The following CHD9 variants were observed in gnomAD, a reference collection of about 807,000 sequenced individuals.
The protein encoded by CHD9 is chromodomain helicase DNA binding protein 9, also known as ATP-dependent chromatin remodeler CHD9.
A neutral mutation model predicts 316.1 loss-of-function variants in CHD9; 77 were observed. That is an observed-to-expected ratio of 0.24 (90% CI 0.20 to 0.29). The LOEUF (loss-of-function observed/expected upper bound fraction) is 0.29. CHD9 is among the 10% of genes least tolerant of loss of function. CHD9 has a pLI of 1.00. For missense variants in CHD9, 2,763 were observed against 3,438.1 expected (o/e 0.80, Z 4.91); for synonymous variants, 1,129 against 1,158.3 (o/e 0.97, Z 0.51).
At chr16:53,293,146 A>G (rs1406460148) in intron 29 of CHD9, 94 bp downstream of exon 29, 14 of 1,105,128 alleles carry the variant, frequency 1.3e-5, no homozygotes, top group Middle Eastern at 2.1e-4. Flanking sequence ...TTTGTGGAAA[A>G]CATACATAGA....
chr16:53,063,800 G>T (rs926653344), intron 1 of CHD9, among the ~76,000 whole-genome samples: 8 of 150,874 alleles, frequency 5.3e-5, no homozygotes, highest in African/African-American at 1.9e-4. Flanking sequence ...CAAAATGCTG[G>T]GATTACAGGC....
intron 1 of CHD9, among the ~76,000 whole-genome samples, chr16:53,086,558 G>A (rs536382650): frequency 6.6e-6 from 1 of 152,220 alleles, no homozygotes; most frequent in South Asian, 2.1e-4. Context: ...AATTCCACCT[G>A]GCATAAATGA....
At chr16:53,286,017 T>G (rs1288795735) in intron 25 of CHD9, among the ~76,000 whole-genome samples, 1 of 152,162 alleles carries the variant, frequency 6.6e-6, no homozygotes, top group Admixed American at 6.6e-5. Flanking sequence ...AACTGATAAA[T>G]GTAACTGAAA....
intron 2 of CHD9, among the ~76,000 whole-genome samples, chr16:53,176,301 T>A (rs984248514): frequency 2.0e-5 from 3 of 152,244 alleles, no homozygotes; most frequent in Non-Finnish European, 2.9e-5. Context: ...TGTATCACCC[T>A]AATGTTTTTG....
At chr16:53,186,756 C>G (rs1242551353) in intron 2 of CHD9, among the ~76,000 whole-genome samples, 1 of 152,128 alleles carries the variant, frequency 6.6e-6, no homozygotes, top group Non-Finnish European at 1.5e-5. Flanking sequence ...TGAGTTAGTT[C>G]TCACAAAAGA....
intron 16 of CHD9, among the ~76,000 whole-genome samples, chr16:53,248,515 T>G (rs535750541): frequency 7.0e-5 from 5 of 71,374 alleles, no homozygotes; most frequent in East Asian, 4.6e-4. Flanking sequence ...GCTTTGTTGG[T>G]TTTTTTTTTT....
At chr16:53,267,552 A>AT in intron 21 of CHD9, 62 bp downstream of exon 21, 1 of 1,189,522 alleles carries the variant, frequency 8.4e-7, no homozygotes, top group South Asian at 1.7e-5. Flanking sequence ...CAGAAAATAT[A>AT]TACTGGTTTT....
chr16:53,098,555 T>C (rs189686948), intron 1 of CHD9, among the ~76,000 whole-genome samples: 111 of 150,672 alleles, frequency 7.4e-4, no homozygotes, highest in Middle Eastern at 3.5e-3. Flanking sequence ...GATGAAAGAG[T>C]CCTGACCTGG....
At chr16:53,125,380 T>A (rs1255793440) in intron 1 of CHD9, among the ~76,000 whole-genome samples, 1 of 151,962 alleles carries the variant, frequency 6.6e-6, no homozygotes, top group Non-Finnish European at 1.5e-5. Flanking sequence ...CGTGCCAACA[T>A]GCCTGGCTAT....
intron 30 of CHD9, among the ~76,000 whole-genome samples, chr16:53,302,213 A>C (rs1018987467): frequency 6.6e-6 from 1 of 152,128 alleles, no homozygotes; most frequent in Non-Finnish European, 1.5e-5. Context: ...AAGATCCTAC[A>C]ATGTATTTGG....
Position 53,156,760 on chromosome 16 carries a change from A to T in CHD9, c.671A>T (p.Gln224Leu). Residue 224 changes from glutamine to leucine, a missense_variant, in exon 2 of 39, where the codon CAG (glutamine) becomes CTG (leucine). By Grantham distance (113) the Gln-to-Leu change is moderately radical (BLOSUM62 -2). This residue lies in a region of CHD9 where 859 missense variants were observed against 890.4 expected (regional missense o/e 0.96). Transcript: ENST00000447540. The part of the protein sequence containing the change: ...PQMTNASNSQ[Q>L]SISMQQFSQT... ...ATGACTAATGCATCTAATTCACAAC[A>T]GTCTATTTCAATGCAGCAATTTTCT... 1.2e-6 allele frequency: 2 copies of T among 1,613,748 alleles called. No individual in the cohort carries two copies. The highest frequency in any genetic ancestry group is 3.3e-5 in the Admixed American group (2 of 60,028).
chr16:53,270,692 C>T (rs2052169952), intron 22 of CHD9, among the ~76,000 whole-genome samples: 1 of 152,026 alleles, frequency 6.6e-6, no homozygotes, highest in Non-Finnish European at 1.5e-5. Context: ...GAAACGGCAA[C>T]AAGATTTTGG....
intron 3 of CHD9, among the ~76,000 whole-genome samples, chr16:53,219,833 G>T (rs1165552202): frequency 9.2e-5 from 14 of 152,114 alleles, no homozygotes; most frequent in Non-Finnish European, 1.5e-5. Context: ...TTTTAAAATT[G>T]TATGAACATC....
At chr16:53,207,026 T>C (rs2045946449) in intron 2 of CHD9, among the ~76,000 whole-genome samples, 1 of 152,214 alleles carries the variant, frequency 6.6e-6, no homozygotes, top group Admixed American at 6.5e-5. Context: ...GCCATCCAGA[T>C]GGGTCTTTCT....
At chr16:53,131,615 G>T (rs1597086781) in intron 1 of CHD9, among the ~76,000 whole-genome samples, 1 of 151,670 alleles carries the variant, frequency 6.6e-6, no homozygotes, top group East Asian at 2.0e-4. Context: ...GCCAGGGCGT[G>T]GGAAGGCGGG....
intron 3 of CHD9, among the ~76,000 whole-genome samples, chr16:53,217,073 G>T (rs2046820591): frequency 6.6e-6 from 1 of 151,950 alleles, no homozygotes; most frequent in Non-Finnish European, 1.5e-5. Context: ...TGTTGGCCAG[G>T]ATCCAATTCA....
Position 53,235,243 on chromosome 16 carries a change from G to T in CHD9, c.2570G>T (p.Gly857Val). 6.5e-7 allele frequency: 1 copy of T among 1,548,998 alleles called. No individual in the cohort carries two copies. Among genetic ancestry groups the T allele is most frequent in the South Asian group, 1.2e-5 (1 of 84,222 alleles). The change falls in exon 11 of 39, where the codon GGC becomes GTC. Residue 857 changes from glycine (G) to valine (V), a missense_variant. Physicochemically the swap from Gly to Val is moderately radical, Grantham distance 109 (BLOSUM62 -3). This residue lies in a region of CHD9 where 186 missense variants were observed against 245.0 expected (regional missense o/e 0.76). Transcript: ENST00000447540. ...KIDQSRDYKN[G>V]NQLREYQLEG... is the part of the protein sequence containing the mutation. ...GATCAATCCAGGGACTATAAAAATG[G>T]CAATCAACTCAGGGAATATCAACTG... is the stretch of plus-strand genomic sequence containing the variant.
rs2053096824 is a variant in CHD9 at position 53,278,576 on chromosome 16, C to T, written c.4967+4274C>T. ...ACATGTAGGCGAATGAAACTGGATC[C>T]TCTTTTCTCACCTTATACAAAAATG... is the stretch of plus-strand genomic sequence containing the variant. On this transcript the variant is annotated intron_variant, in intron 24 of 38. Coordinates refer to ENST00000447540, the MANE Select transcript of CHD9 (RefSeq NM_001308319.2). 2.6e-5 allele frequency among the ~76,000 whole-genome samples: 4 copies of T among 152,284 alleles called. No individual in the cohort carries two copies. The South Asian group carries it at 8.3e-4, about 32-fold the overall frequency.
chr16:53,196,810 C>T (rs1406639275), intron 2 of CHD9, among the ~76,000 whole-genome samples: 1 of 152,090 alleles, frequency 6.6e-6, no homozygotes, highest in Non-Finnish European at 1.5e-5. Context: ...CTTTCTAAGC[C>T]AAACTAAAGT....
Sources: gnomAD v4.1 joint callset for allele counts (sites outside exome capture counted in the v4.1 genomes callset) on GRCh38, gnomAD v4.1.1 for gene constraint, gnomAD v4.1.1 regional missense constraint, MANE v1.5 for transcripts, NCBI Gene and HGNC (gene_info 2026-07-23, HGNC 2026-07-21) for gene names.